Variants in C3orf22 observed in about 807,000 individuals in gnomAD.
The protein encoded by C3orf22 is chromosome 3 open reading frame 22.
A neutral mutation model predicts 10.8 loss-of-function variants in C3orf22; 7 were observed. The observed-to-expected ratio is 0.65, with a 90% CI of 0.37 to 1.22. C3orf22 has a LOEUF of 1.22. Among genes scored for constraint, C3orf22 ranks in the 50% most tolerant of loss-of-function variants. The pLI is 0.02. For missense variants in C3orf22, 173 were observed against 177.0 expected, an observed-to-expected ratio of 0.98 and a Z score of 0.13; for synonymous variants, 79 against 78.9, an observed-to-expected ratio of 1.00 and a Z score of 0.00.
chr3:126,535,897 G>C lies in C3orf22; in HGVS notation c.287-6525C>G, dbSNP rs150812676. Among the ~76,000 whole-genome samples the C allele has an allele frequency of 3.4e-3, 524 of 152,360 alleles. 1 individual carries two copies. Among genetic ancestry groups the C allele is most frequent in the African/African-American group, 0.011 (470 of 41,590 alleles). On this transcript the variant is annotated intron_variant and NMD_transcript_variant, in intron 4 of 5. Transcript: ENST00000505070. ...GGGTGCTGGGCAGCCAGCCAGCCTG[G>C]TGAACCCCACAAGGGTTGGGGCATG...
downstream of C3orf22, among the ~76,000 whole-genome samples, chr3:126,546,604 C>T (rs1559751860): frequency 6.6e-6 from 1 of 152,170 alleles, no homozygotes; most frequent in African/African-American, 2.4e-5. Context: ...CAGCCATCTA[C>T]AAGCCCAGAA....
chr3:126,551,583 G>T (rs951542413), intron 3 of C3orf22, among the ~76,000 whole-genome samples: 6 of 152,210 alleles, frequency 3.9e-5, no homozygotes, highest in Non-Finnish European at 8.8e-5. Context: ...GCCACCCAGT[G>T]CAGAGGTCCC....
At chr3:126,537,044 C>A (rs1266440617) in intron 4 of C3orf22, among the ~76,000 whole-genome samples, 3 of 152,152 alleles carry the variant, frequency 2.0e-5, no homozygotes, top group Admixed American at 2.0e-4. Flanking sequence ...CCTAGTGGAG[C>A]CACCAGTCCA....
At chr3:126,546,603 A>C (rs1937071042), downstream of C3orf22, among the ~76,000 whole-genome samples, 1 of 152,106 alleles carries the variant, frequency 6.6e-6, no homozygotes, top group Admixed American at 6.6e-5. Context: ...GCAGCCATCT[A>C]CAAGCCCAGA....
chr3:126,548,927 CT>C (rs1937114774), downstream of C3orf22, among the ~76,000 whole-genome samples: 1 of 152,176 alleles, frequency 6.6e-6, no homozygotes, highest in South Asian at 2.1e-4. Context: ...AGGGAGAAGG[CT>C]GCAAAGTGTC....
chr3:126,541,632 C>A (rs1050229893), intron 4 of C3orf22: 2 of 1,172,632 alleles, frequency 1.7e-6, no homozygotes, highest in Admixed American at 7.3e-5. Context: ...GGCGCAGCTC[C>A]TGCTCCCAAT....
intron 1 of C3orf22, among the ~76,000 whole-genome samples, chr3:126,557,753 C>G (rs1266334888): frequency 6.6e-6 from 1 of 152,244 alleles, no homozygotes; most frequent in Non-Finnish European, 1.5e-5. Context: ...TACTGCCAGC[C>G]CTGCTCACGA....
chr3:126,536,381 A>G (rs769988267), intron 4 of C3orf22: 10 of 1,571,324 alleles, frequency 6.4e-6, no homozygotes, highest in East Asian at 2.2e-5. Context: ...CGACCCAGGC[A>G]TGCCCCCCTC....
chr3:126,552,735 A>G (rs1937224968), intron 2 of C3orf22, among the ~76,000 whole-genome samples: 1 of 152,138 alleles, frequency 6.6e-6, no homozygotes, highest in South Asian at 2.1e-4. Context: ...TGGAGTGGGA[A>G]GCTTGAGGTT....
chr3:126,528,899 C>T (rs1198611588), intron 5 of C3orf22, among the ~76,000 whole-genome samples: 1 of 152,238 alleles, frequency 6.6e-6, no homozygotes, highest in Non-Finnish European at 1.5e-5. Flanking sequence ...ATGCAGGTCA[C>T]CCCAGAAAGC....
chr3:126,549,493 C>A, downstream of C3orf22: 2 of 534,544 alleles, frequency 3.7e-6, no homozygotes, highest in Non-Finnish European at 6.7e-6. Flanking sequence ...CTTTCCAATC[C>A]TTTGCTGTTT....
chr3:126,542,088 G>A, intron 4 of C3orf22: 2 of 1,583,688 alleles, frequency 1.3e-6, no homozygotes, highest in South Asian at 1.1e-5. Flanking sequence ...CCCTTCGAGC[G>A]CCTGGCATCG....
chr3:126,549,772 G>A lies in C3orf22; in HGVS notation c.*96C>T. 1 of 1,515,204 alleles carries A rather than the reference G, an allele frequency of 6.6e-7. No homozygotes were observed. Among genetic ancestry groups the A allele is most frequent in the African/African-American group, 1.4e-5 (1 of 72,548 alleles). The allele number at this position is 1,515,204 out of a possible 1,614,324, so 93.9% of individuals were successfully genotyped here. On this transcript the variant is annotated 3_prime_UTR_variant, in exon 4 of 4. Coordinates refer to ENST00000318225, the MANE Select transcript of C3orf22 (RefSeq NM_152533.3). ...ACCACTCCCGGTCTATGATGGCCAT[G>A]AAGGCTGATCCCTTTACTAAAGTCT...
chr3:126,541,932 T>A (rs1039361311), intron 4 of C3orf22: 1 of 1,594,010 alleles, frequency 6.3e-7, no homozygotes, highest in African/African-American at 1.4e-5. Context: ...CTGCTGGCGC[T>A]GAGCGGCCAA....
Position 126,553,381 on chromosome 3 carries a change from T to C in C3orf22, c.10A>G (p.Ser4Gly), listed in dbSNP as rs759974678. Reference protein sequence around the residue: MDSSACKKSHQSKK... With the variant: MDSGACKKSHQSKK... ...CTCTGGTGAGACTTCTTGCAGGCAC[T>C]GGAGTCCATCACTGAGTGGGTTAAG... The change falls in exon 2 of 4, where the codon AGT (serine) becomes GGT (glycine). Residue 4 changes from serine to glycine, a missense_variant. Transcript: ENST00000318225. 1.1e-5 allele frequency: 17 copies of C among 1,611,558 alleles called. No homozygotes were observed. Among genetic ancestry groups the C allele is most frequent in the Non-Finnish European group, 1.4e-5 (17 of 1,179,348 alleles).
At chr3:126,531,887 T>C (rs1490895417) in intron 4 of C3orf22, among the ~76,000 whole-genome samples, 1 of 152,190 alleles carries the variant, frequency 6.6e-6, no homozygotes, top group Non-Finnish European at 1.5e-5. Flanking sequence ...CACCAAACTG[T>C]TTTCCCTCAT....
At chr3:126,530,563 G>A (rs374659654) in intron 4 of C3orf22, among the ~76,000 whole-genome samples, 2 of 152,234 alleles carry the variant, frequency 1.3e-5, no homozygotes, top group African/African-American at 2.4e-5. Flanking sequence ...TCTGCAACAC[G>A]GCGAGAAGGC....
intron 4 of C3orf22, among the ~76,000 whole-genome samples, chr3:126,534,810 C>T (rs1936732124): frequency 6.6e-6 from 1 of 150,612 alleles, no homozygotes; most frequent in Non-Finnish European, 1.5e-5. Context: ...GCATCCCTGT[C>T]CTCAGCCAGG....
chr3:126,541,349 GA>G (rs1936952891), intron 4 of C3orf22, among the ~76,000 whole-genome samples: 1 of 152,190 alleles, frequency 6.6e-6, no homozygotes, highest in African/African-American at 2.4e-5. Context: ...ATTGGGTGTG[GA>G]ATTAAACAGC....
Sources: allele counts gnomAD v4.1 joint callset (sites outside exome capture counted in the v4.1 genomes callset), GRCh38; gene constraint gnomAD v4.1.1; transcripts MANE v1.5; gene names NCBI Gene and HGNC (gene_info 2026-07-23, HGNC 2026-07-21).